Variants in CPLX1 observed in about 807,000 individuals in gnomAD.
The protein encoded by CPLX1 is complexin-1.
Under a neutral mutation model 15.6 loss-of-function variants are expected in CPLX1, and 6 were observed. The ratio of observed to expected loss-of-function variants is 0.39; its 90% CI spans 0.21 to 0.76. The LOEUF (loss-of-function observed/expected upper bound fraction) is 0.76. Ranked by LOEUF, CPLX1 falls within the 30% of genes least tolerant of loss-of-function variation. CPLX1 has a pLI of 0.43. For synonymous variants in CPLX1, 91 were observed against 75.2 expected (o/e 1.21, Z -1.08); for missense variants, 242 against 188.6 (o/e 1.28, Z -1.66).
At chr4:798,291 AAG>A (rs1337295036) in intron 2 of CPLX1, among the ~76,000 whole-genome samples, 3 of 151,926 alleles carry the variant, frequency 2.0e-5, no homozygotes, top group Admixed American at 1.3e-4. Context: ...AAAAAAAAAA[AAG>A]AACAGACATC....
intron 2 of CPLX1, among the ~76,000 whole-genome samples, chr4:820,917 C>T (rs868522159): frequency 3.9e-5 from 6 of 152,174 alleles, no homozygotes; most frequent in African/African-American, 1.4e-4. Context: ...CGCGGAGGGG[C>T]TCTCCCACAC....
intron 2 of CPLX1, among the ~76,000 whole-genome samples, chr4:795,622 C>T (rs1176639603): frequency 1.3e-5 from 2 of 152,192 alleles, no homozygotes. Flanking sequence ...TGAGCCTCAG[C>T]TTCCCCCCGT....
At chr4:799,572 T>G (rs1388822875) in intron 2 of CPLX1, among the ~76,000 whole-genome samples, 1 of 152,140 alleles carries the variant, frequency 6.6e-6, no homozygotes, top group Non-Finnish European at 1.5e-5. Context: ...CTTGAAAATA[T>G]CCTCTGTAGG....
chr4:811,843 C>T (rs1746669933), intron 2 of CPLX1, among the ~76,000 whole-genome samples: 1 of 152,150 alleles, frequency 6.6e-6, no homozygotes, highest in Non-Finnish European at 1.5e-5. Flanking sequence ...CTCCTGTGAC[C>T]TCCTTCTGTC....
At chr4:803,630 C>G (rs1746501470) in intron 2 of CPLX1, among the ~76,000 whole-genome samples, 1 of 151,906 alleles carries the variant, frequency 6.6e-6, no homozygotes, top group Non-Finnish European at 1.5e-5. Context: ...CGTGATCTGC[C>G]CGCCTCGGCC....
Position 792,562 on chromosome 4 carries a change from C to A in CPLX1, c.78G>T (p.Lys26Asn). The A allele has an allele frequency of 6.2e-7, 1 of 1,613,502 alleles. No homozygotes were observed. The highest frequency in any genetic ancestry group is 8.5e-7 in the Non-Finnish European group (1 of 1,179,722). ...MGKMLGGDEEKDPDAAKKEEE... is the reference protein window; with the variant it reads ...MGKMLGGDEENDPDAAKKEEE... ...CCTCCTTCTTGGCGGCGTCTGGGTC[C>A]TTCTCCTCGTCACCCCCCAGCATCT... Residue 26 changes from lysine to asparagine, a missense_variant, in exon 3 of 4, where the codon AAG (lysine) becomes AAT (asparagine). Coordinates refer to ENST00000304062, the MANE Select transcript of CPLX1 (RefSeq NM_006651.4).
intron 3 of CPLX1, chr4:787,892 C>T (rs1478578346): frequency 3.0e-6 from 3 of 985,256 alleles, no homozygotes; most frequent in Non-Finnish European, 3.6e-6. Context: ...GTTGGGCTGG[C>T]CTGGAAGGAT....
At position 810,272 on chromosome 4, in the gene CPLX1, A is replaced by G. The variant is rs369127019; in HGVS notation, c.31+14220T>C. Among the ~76,000 whole-genome samples, 5 of 150,912 alleles carry G rather than the reference A, an allele frequency of 3.3e-5. No individual in the cohort carries two copies. The East Asian group carries it at 9.8e-4, about 29-fold the overall frequency. ...CACCATGTTAGCCAGGATGGTCTCG[A>G]TCTCCTGACCTCGTGATCCACCCGC... is the stretch of plus-strand genomic sequence containing the variant. On this transcript the variant is annotated intron_variant, in intron 2 of 3. Transcript: ENST00000304062.
At chr4:817,839 T>C (rs945343973) in intron 2 of CPLX1, among the ~76,000 whole-genome samples, 3 of 152,084 alleles carry the variant, frequency 2.0e-5, no homozygotes, top group African/African-American at 7.2e-5. Context: ...GGAGGGTGCA[T>C]TGTTCCCACC....
intron 2 of CPLX1, chr4:804,913 C>G (rs1245893242): frequency 1.0e-6 from 1 of 985,372 alleles, no homozygotes; most frequent in Non-Finnish European, 1.2e-6. Context: ...CATTTTGGAA[C>G]GCAGTGCGTC....
chr4:785,168 T>C lies in CPLX1; in HGVS notation c.*1333A>G, dbSNP rs1277315313. The C allele has an allele frequency of 6.6e-6, 1 of 152,150 alleles. No homozygotes were observed. Among genetic ancestry groups the C allele is most frequent in the Non-Finnish European group, 1.5e-5 (1 of 68,028 alleles). 9.4% of individuals were successfully genotyped at this position (152,150 alleles called of 1,614,324 possible). ...TCTGCTCAGAGCTGGCTTTGTAAGG[T>C]GTGAAAACAGGAGTTTTTAAAAGAC... On this transcript the variant is annotated 3_prime_UTR_variant, in exon 4 of 4. Coordinates refer to ENST00000304062, the MANE Select transcript of CPLX1 (RefSeq NM_006651.4).
chr4:791,816 G>A (rs1015905199), intron 3 of CPLX1, among the ~76,000 whole-genome samples: 2 of 152,118 alleles, frequency 1.3e-5, no homozygotes, highest in Non-Finnish European at 2.9e-5. Context: ...CACCATGCCC[G>A]CTCACCCCTG....
intron 2 of CPLX1, among the ~76,000 whole-genome samples, chr4:801,253 TG>T (rs1746453886): frequency 6.7e-6 from 1 of 149,138 alleles, no homozygotes; most frequent in Non-Finnish European, 1.5e-5. Flanking sequence ...ACCTGGGAGG[TG>T]GAGGTTGCAG....
At chr4:796,458 G>T (rs551895253) in intron 2 of CPLX1, among the ~76,000 whole-genome samples, 1 of 152,236 alleles carries the variant, frequency 6.6e-6, no homozygotes, top group Admixed American at 6.5e-5. Context: ...GCTAATTTTT[G>T]TATTTTCAGT....
chr4:809,115 T>C (rs1222901498), intron 2 of CPLX1, among the ~76,000 whole-genome samples: 1 of 152,194 alleles, frequency 6.6e-6, no homozygotes. Context: ...GAGTACTCAG[T>C]GGGGCTCATT....
At chr4:801,037 G>A (rs892003076) in intron 2 of CPLX1, among the ~76,000 whole-genome samples, 10 of 149,198 alleles carry the variant, frequency 6.7e-5, no homozygotes, top group African/African-American at 1.5e-4. Context: ...AAGGTTGGCC[G>A]GACGCAGTGG....
intron 2 of CPLX1, among the ~76,000 whole-genome samples, chr4:819,473 G>C (rs1746820282): frequency 6.6e-6 from 1 of 152,256 alleles, no homozygotes; most frequent in Non-Finnish European, 1.5e-5. Flanking sequence ...CGGCGTTTGT[G>C]AAGTCCGTTC....
At chr4:822,164 G>A (rs56845396) in intron 2 of CPLX1, among the ~76,000 whole-genome samples, 30,927 of 146,090 alleles carry the variant, frequency 0.21, 3,261 homozygotes, top group East Asian at 0.45. Flanking sequence ...CTGATTCTCC[G>A]TCTCTCCCCA....
chr4:818,378 C>G (rs545467308), intron 2 of CPLX1, among the ~76,000 whole-genome samples: 1 of 152,266 alleles, frequency 6.6e-6, no homozygotes, highest in Non-Finnish European at 1.5e-5. Flanking sequence ...CGACTGCCAC[C>G]GTCTCAGAGA....
Sources: gnomAD v4.1 joint callset for allele counts (sites outside exome capture counted in the v4.1 genomes callset) on GRCh38, gnomAD v4.1.1 for gene constraint, MANE v1.5 for transcripts, NCBI Gene and HGNC (gene_info 2026-07-23, HGNC 2026-07-21) for gene names.